Variants in ZFHX3 observed in about 807,000 individuals in gnomAD.
The protein encoded by ZFHX3 is zinc finger homeobox protein 3.
Under a neutral mutation model 279.1 loss-of-function variants are expected in ZFHX3, and 42 were observed. The observed-to-expected ratio is 0.15, with a 90% CI of 0.12 to 0.19. The LOEUF is 0.19. Ranked by LOEUF, ZFHX3 falls within the 10% of genes least tolerant of loss-of-function variation. The pLI is 1.00. For synonymous variants in ZFHX3, 2,293 were observed against 1,957.8 expected, an observed-to-expected ratio of 1.17 and a Z score of -4.52; for missense variants, 4,981 against 4,754.0, an observed-to-expected ratio of 1.05 and a Z score of -1.40.
At chr16:73,141,636 G>A (rs1405751775) in intron 6 of ZFHX3, among the ~76,000 whole-genome samples, 2 of 152,114 alleles carry the variant, frequency 1.3e-5, no homozygotes, top group African/African-American at 2.4e-5. Context: ...GGGCTCAAGC[G>A]ATCCTCCTGC....
chr16:72,957,563 G>C lies in ZFHX3; in HGVS notation c.2583C>G (p.Leu861=). ...TGTTCTGGGCCAGGTAGTATTGGTA[G>C]AGCTCGGCCTCGGCGGGTGAGGGCA... The part of the protein sequence containing the change: ...GSLPSPAEAE[L]YQYYLAQNMN... Residue 861 remains leucine, a synonymous_variant, in exon 2 of 10, where the codon CTC becomes CTG. Coordinates refer to ENST00000268489, the MANE Select transcript of ZFHX3 (RefSeq NM_006885.4). 1 of 1,614,220 alleles carries C rather than the reference G, an allele frequency of 6.2e-7. No homozygotes were observed. The highest frequency in any genetic ancestry group is 8.5e-7 in the Non-Finnish European group (1 of 1,180,050).
intron 3 of ZFHX3, among the ~76,000 whole-genome samples, chr16:72,907,171 G>T (rs564511333): frequency 6.6e-6 from 1 of 152,198 alleles, no homozygotes; most frequent in South Asian, 2.1e-4. Context: ...TATTTTAAAG[G>T]CTTAAGTCTT....
chr16:73,096,417 T>C (rs1452235567), intron 7 of ZFHX3, among the ~76,000 whole-genome samples: 2 of 151,472 alleles, frequency 1.3e-5, no homozygotes, highest in Non-Finnish European at 2.9e-5. Context: ...TTATTTTTTT[T>C]TTTGAGACAG....
chr16:73,195,445 G>C (rs1362231563), intron 5 of ZFHX3, among the ~76,000 whole-genome samples: 2 of 117,422 alleles, frequency 1.7e-5, no homozygotes, highest in South Asian at 2.6e-4. Context: ...TTGAGATGGA[G>C]TCTTGCTCTG....
chr16:73,331,851 C>T (rs114978137), intron 3 of ZFHX3, among the ~76,000 whole-genome samples: 2,643 of 152,198 alleles, frequency 0.017, 85 homozygotes, highest in African/African-American at 0.06. Flanking sequence ...AAAAGACGTG[C>T]CACGAGTAAA....
At chr16:72,852,551 G>A (rs972199082) in intron 4 of ZFHX3, among the ~76,000 whole-genome samples, 1 of 152,210 alleles carries the variant, frequency 6.6e-6, no homozygotes, top group African/African-American at 2.4e-5. Flanking sequence ...TCCCAAAATG[G>A]AGACAGCTGT....
intron 1 of ZFHX3, among the ~76,000 whole-genome samples, chr16:73,033,764 C>T (rs1420290008): frequency 6.6e-6 from 1 of 152,164 alleles, no homozygotes; most frequent in Non-Finnish European, 1.5e-5. Flanking sequence ...GGGCACAAAT[C>T]CCACTGGCAT....
At chr16:73,790,094 T>C (rs909152790) in intron 1 of ZFHX3, among the ~76,000 whole-genome samples, 1 of 152,180 alleles carries the variant, frequency 6.6e-6, no homozygotes, top group African/African-American at 2.4e-5. Flanking sequence ...GGTCTCATTG[T>C]AGGACCAAAC....
chr16:72,853,552 G>C (rs2037671859), intron 4 of ZFHX3, among the ~76,000 whole-genome samples: 1 of 152,192 alleles, frequency 6.6e-6, no homozygotes, highest in African/African-American at 2.4e-5. Flanking sequence ...TTTACAATTA[G>C]CCTGGCTTTC....
rs549929898 is a variant in ZFHX3, at chr16:73,124,639, C to T, written c.-897+6329G>A. 8.3e-4 allele frequency among the ~76,000 whole-genome samples: 127 copies of T among 152,278 alleles called. 4 individuals are homozygous for T. The South Asian group carries it at 0.019, about 23-fold the overall frequency. ...GAGAACTGTGTCGGCCAGGGTCACACATCTGTATTAGGATAACTTGAGGAG... is the reference window on the plus strand; with the variant it reads ...GAGAACTGTGTCGGCCAGGGTCACATATCTGTATTAGGATAACTTGAGGAG... On this transcript the variant is annotated intron_variant, in intron 7 of 17. Transcript: ENST00000641206.
intron 2 of ZFHX3, among the ~76,000 whole-genome samples, chr16:73,595,639 T>C (rs2052041013): frequency 6.6e-6 from 1 of 152,220 alleles, no homozygotes; most frequent in Admixed American, 6.5e-5. Context: ...CTGATGGCTT[T>C]GACATTTTCC....
chr16:73,441,768 G>T (rs9924032), intron 3 of ZFHX3, among the ~76,000 whole-genome samples: 5 of 151,924 alleles, frequency 3.3e-5, no homozygotes, highest in African/African-American at 1.2e-4. Context: ...TTTTCATCAA[G>T]TTACTTACCC....
intron 1 of ZFHX3, among the ~76,000 whole-genome samples, chr16:73,810,792 A>C (rs988306056): frequency 6.6e-6 from 1 of 152,190 alleles, no homozygotes; most frequent in African/African-American, 2.4e-5. Flanking sequence ...TCTTGAGTAC[A>C]TCACTCACCA....
At position 73,510,997 on chromosome 16, in the gene ZFHX3, T is replaced by A. The variant is rs574417772; in HGVS notation, c.-1546-54739A>T. On this transcript the variant is annotated intron_variant, in intron 2 of 17. Transcript: ENST00000641206. The stretch of plus-strand genomic sequence containing the variant: ...TTTGCAGGTACAACCAGACAGGGCT[T>A]TGCCTTTGGATGTGCCTCATACCTC... Among the ~76,000 whole-genome samples, 13 of 152,336 alleles carry A rather than the reference T, an allele frequency of 8.5e-5. No individual in the cohort carries two copies. The South Asian group carries it at 2.7e-3, about 32-fold the overall frequency.
chr16:72,903,460 C>G (rs1445237029), intron 3 of ZFHX3, among the ~76,000 whole-genome samples: 1 of 152,190 alleles, frequency 6.6e-6, no homozygotes, highest in African/African-American at 2.4e-5. Flanking sequence ...AGGCAGGCTT[C>G]TAGTAGGGAT....
intron 2 of ZFHX3, among the ~76,000 whole-genome samples, chr16:73,588,973 G>T (rs1354196154): frequency 6.6e-6 from 1 of 151,470 alleles, no homozygotes; most frequent in Non-Finnish European, 1.5e-5. Context: ...TTTAAAAAAT[G>T]ACCTTGGCCA....
chr16:72,865,128 G>A (rs2037983475), intron 4 of ZFHX3, among the ~76,000 whole-genome samples: 1 of 152,198 alleles, frequency 6.6e-6, no homozygotes, highest in African/African-American at 2.4e-5. Context: ...CATTAACTTA[G>A]GAACCTGAGA....
chr16:73,423,514 C>T (rs1267826047), intron 3 of ZFHX3, among the ~76,000 whole-genome samples: 2 of 152,138 alleles, frequency 1.3e-5, no homozygotes, highest in South Asian at 2.1e-4. Context: ...GGTCATTTGT[C>T]CCAATGGAAG....
chr16:73,847,904 GTTTTTTTTTT>G (rs60189791), intron 1 of ZFHX3, among the ~76,000 whole-genome samples: 2 of 80,056 alleles, frequency 2.5e-5, no homozygotes, highest in Non-Finnish European at 4.6e-5. Context: ...TGCCTGGCTA[GTTTTTTTTTT>G]TTTTTTTTTT....
Sources: gnomAD v4.1 joint callset for allele counts (sites outside exome capture counted in the v4.1 genomes callset) on GRCh38, gnomAD v4.1.1 for gene constraint, MANE v1.5 for transcripts, NCBI Gene and HGNC (gene_info 2026-07-23, HGNC 2026-07-21) for gene names.